PRRC2B: variants seen among roughly 807,000 people sequenced by gnomAD.
The protein encoded by PRRC2B is protein PRRC2B.
Under a neutral mutation model 242.3 loss-of-function variants are expected in PRRC2B, and 68 were observed. The ratio of observed to expected loss-of-function variants is 0.28; its 90% CI spans 0.23 to 0.34. The LOEUF (loss-of-function observed/expected upper bound fraction) is 0.34, where lower values mean the gene tolerates loss of function less well. Among genes scored for constraint, PRRC2B ranks in the 10% least tolerant of loss-of-function variants. The pLI is 1.00. For missense variants in PRRC2B, 2,835 were observed against 2,954.8 expected (o/e 0.96, Z 0.94); for synonymous variants, 1,228 against 1,173.6 (o/e 1.05, Z -0.95).
Position 131,479,403 on chromosome 9 carries a change from G to A in PRRC2B, c.4900+10G>A, listed in dbSNP as rs369612278. The A allele has an allele frequency of 2.5e-6, 4 of 1,611,654 alleles. No homozygotes were observed. The African/African-American group carries it at 5.3e-5, about 22-fold the overall frequency. ...GAGAGCAGCAGCCAGGGTGAGAGTT[G>A]GGGGTGTGACCCCAGCTGTGGCACC... On this transcript the variant is annotated intron_variant, in intron 19 of 31. Coordinates refer to ENST00000683519, the MANE Select transcript of PRRC2B (RefSeq NM_013318.4).
Position 131,442,259 on chromosome 9 carries a change from A to C in PRRC2B, c.470-1926A>C, listed in dbSNP as rs142022992. 5.7e-3 allele frequency among the ~76,000 whole-genome samples: 867 copies of C among 152,110 alleles called. 14 individuals carry two copies. Among genetic ancestry groups the C allele is most frequent in the African/African-American group, 0.02 (817 of 41,480 alleles). On this transcript the variant is annotated intron_variant, in intron 5 of 31. Coordinates refer to ENST00000683519, the MANE Select transcript of PRRC2B (RefSeq NM_013318.4). ...GCAATCTTCCCGCCTCAGCCTCCCA[A>C]GTAGATGGGACTACAGGCATGCACC...
chr9:131,498,280 AAG>A lies in PRRC2B; in HGVS notation c.*2408_*2409del, dbSNP rs1307870572. The stretch of plus-strand genomic sequence containing the variant: ...ATGTTGTAGGTCTAGGTGAAAAAAA[AAG>A]AAGTAAATGTTTCACTGCTCTATTT... On this transcript the variant is annotated 3_prime_UTR_variant, in exon 32 of 32. Transcript: ENST00000683519. 6.6e-6 allele frequency: 1 copy of A among 152,148 alleles called. No individual in the cohort carries two copies. The highest frequency in any genetic ancestry group is 2.4e-5 in the African/African-American group (1 of 41,432). 9.4% of individuals were successfully genotyped at this position (152,148 alleles called of 1,614,324 possible).
intron 1 of PRRC2B, among the ~76,000 whole-genome samples, chr9:131,421,116 G>A (rs959142575): frequency 6.6e-6 from 1 of 152,196 alleles, no homozygotes; most frequent in African/African-American, 2.4e-5. Context: ...GCAGCAGAGA[G>A]CTCTGTGTGG....
intron 5 of PRRC2B, among the ~76,000 whole-genome samples, chr9:131,441,182 A>G (rs999420172): frequency 2.0e-5 from 3 of 152,212 alleles, no homozygotes; most frequent in Non-Finnish European, 4.4e-5. Flanking sequence ...AAAGCCACCC[A>G]TCTGTATACT....
intron 16 of PRRC2B, among the ~76,000 whole-genome samples, chr9:131,477,201 G>A (rs72772625): frequency 0.01 from 1,525 of 152,304 alleles, 23 homozygotes; most frequent in Non-Finnish European, 0.013. Flanking sequence ...GGAGGTGCAG[G>A]GGCTGCTGAG....
intron 12 of PRRC2B, 46 bp downstream of exon 12, chr9:131,465,124 T>C (rs375194120): frequency 6.5e-7 from 1 of 1,540,320 alleles, no homozygotes; most frequent in Non-Finnish European, 8.8e-7. Context: ...CCTGGCCTGT[T>C]GTCCTCGTCT....
At chr9:131,411,001 A>G (rs1837492852) in intron 1 of PRRC2B, among the ~76,000 whole-genome samples, 1 of 152,096 alleles carries the variant, frequency 6.6e-6, no homozygotes, top group Non-Finnish European at 1.5e-5. Flanking sequence ...ACGGCCAGTA[A>G]TCCCAGCACT....
In PRRC2B at chr9:131,477,766, G is replaced by A. The variant is rs1349401221; in HGVS notation, c.4429G>A (p.Gly1477Arg). Reference protein sequence around the residue: ...VKRSPDEALPGGLSGCSSGSG... With the variant: ...VKRSPDEALPRGLSGCSSGSG... ...CAGATCCCCAGACGAGGCCTTGCCT[G>A]GAGGTCTTAGTGGCTGCAGCAGTGG... Residue 1477 changes from glycine to arginine, a missense_variant, in exon 17 of 32, where the codon GGA (glycine) becomes AGA (arginine). Physicochemically the swap from Gly to Arg is moderately radical, Grantham distance 125. This residue lies in a region of PRRC2B where 1,536 missense variants were observed against 1,483.1 expected (regional missense o/e 1.04). Transcript: ENST00000683519. 4 of 1,608,472 alleles carry A rather than the reference G, an allele frequency of 2.5e-6. No homozygotes were observed. Among genetic ancestry groups the A allele is most frequent in the South Asian group, 1.1e-5 (1 of 90,942 alleles).
chr9:131,403,673 AAAAAAAC>A (rs1359586138), intron 1 of PRRC2B, among the ~76,000 whole-genome samples: 1,426 of 59,898 alleles, frequency 0.024, 35 homozygotes, highest in African/African-American at 0.068. Flanking sequence ...AAAAAAAAAA[AAAAAAAC>A]AAAATTAAAA....
intron 30 of PRRC2B, among the ~76,000 whole-genome samples, chr9:131,493,731 T>C (rs1401288946): frequency 6.6e-6 from 1 of 152,196 alleles, no homozygotes; most frequent in Admixed American, 6.5e-5. Flanking sequence ...AAAACAAGGG[T>C]TCCCTGGTCA....
chr9:131,401,262 A>ACTTTCACAGTGTTGTGCAG (rs1564273886), intron 1 of PRRC2B, among the ~76,000 whole-genome samples: 1 of 152,040 alleles, frequency 6.6e-6, no homozygotes, highest in Non-Finnish European at 1.5e-5. Context: ...GTGTTGTGCA[A>ACTTTCACAGTGTTGTGCAG]CCATCACCAC....
At chr9:131,400,382 G>T (rs1348592293) in intron 1 of PRRC2B, among the ~76,000 whole-genome samples, 1 of 151,582 alleles carries the variant, frequency 6.6e-6, no homozygotes, top group Non-Finnish European at 1.5e-5. Flanking sequence ...GCAGCCGTGC[G>T]ATCTTGGCTC....
At position 131,495,164 on chromosome 9, in the gene PRRC2B, T is replaced by C. The variant is rs114735649; in HGVS notation, c.6556-576T>C. ...GGTGGGGGGCAGATGCGCTGGCTGC[T>C]CTGTGACTTCCCCACCCCACTCCCC... On this transcript the variant is annotated intron_variant, in intron 31 of 31. Coordinates refer to ENST00000683519, the MANE Select transcript of PRRC2B (RefSeq NM_013318.4). Among the ~76,000 whole-genome samples the C allele has an allele frequency of 7.5e-3, 1,136 of 152,162 alleles. 18 individuals carry two copies. The highest frequency in any genetic ancestry group is 0.025 in the African/African-American group (1,040 of 41,496).
chr9:131,435,673 G>C (rs2994056), intron 3 of PRRC2B, among the ~76,000 whole-genome samples: 114,171 of 151,758 alleles, frequency 0.75, 43,790 homozygotes, highest in East Asian at 0.93. Context: ...TATCTGTAAG[G>C]GGGAAGAAAA....
chr9:131,425,796 C>T (rs530393624), intron 1 of PRRC2B, among the ~76,000 whole-genome samples: 47 of 151,504 alleles, frequency 3.1e-4, no homozygotes, highest in Non-Finnish European at 6.2e-4. Context: ...CCCCCGAGGA[C>T]TTTTTAAGTA....
In PRRC2B at chr9:131,474,603, T is replaced by C. The variant is rs764400697; in HGVS notation, c.2474T>C (p.Ile825Thr). Residue 825 changes from isoleucine to threonine, a missense_variant, in exon 16 of 32, where the codon ATA (isoleucine) becomes ACA (threonine). Transcript: ENST00000683519. ...GACAGCTGTATCTCTTCTCAAAGAATAGGCCAGGAGCTTTTGTTTCCACCC... is the reference window on the plus strand; with the variant it reads ...GACAGCTGTATCTCTTCTCAAAGAACAGGCCAGGAGCTTTTGTTTCCACCC... ...DFDSCISSQR[I>T]GQELLFPPQE... The C allele has an allele frequency of 1.9e-6, 3 of 1,614,026 alleles. No individual in the cohort carries two copies. Among genetic ancestry groups the C allele is most frequent in the South Asian group, 1.1e-5 (1 of 91,086 alleles).
Position 131,439,013 on chromosome 9 carries a change from C to G in PRRC2B, c.421C>G (p.Pro141Ala). Residue 141 changes from proline to alanine, a missense_variant, in exon 5 of 32, where the codon CCA (proline) becomes GCA (alanine). By Grantham distance (27) the Pro-to-Ala change is conservative. Around this residue, in one of 7 missense-constraint regions of PRRC2B, gnomAD observed 626 missense variants for 685.5 expected, o/e 0.91. Transcript: ENST00000683519. ...QENTNSVPGGPKSWAQLNGKP... is the reference protein window; with the variant it reads ...QENTNSVPGGAKSWAQLNGKP... ...GAATACAAATTCAGTGCCAGGTGGA[C>G]CAAAGTCATGGGCACAGCTGAATGG... 1 of 1,613,548 alleles carries G rather than the reference C, an allele frequency of 6.2e-7. No homozygotes were observed.
chr9:131,488,243 C>A, intron 28 of PRRC2B, 147 bp downstream of exon 28: 1 of 1,117,660 alleles, frequency 8.9e-7, no homozygotes, highest in Non-Finnish European at 1.2e-6. Flanking sequence ...TGCAGGAAAT[C>A]AGCCTCTTCT....
At chr9:131,410,620 T>A (rs559960159) in intron 1 of PRRC2B, among the ~76,000 whole-genome samples, 2 of 152,370 alleles carry the variant, frequency 1.3e-5, no homozygotes, top group South Asian at 4.1e-4. Flanking sequence ...TTATTTAACC[T>A]TGCGGAGCCT....
Sources: allele counts gnomAD v4.1 joint callset (sites outside exome capture counted in the v4.1 genomes callset), GRCh38; gene constraint gnomAD v4.1.1; regional missense constraint gnomAD v4.1.1; transcripts MANE v1.5; gene names NCBI Gene and HGNC (gene_info 2026-07-23, HGNC 2026-07-21).